XKR6: variants seen among roughly 807,000 people sequenced by gnomAD.
XKR6 encodes the protein XK related 6.
XKR6 carries 22 observed loss-of-function variants against 56.7 expected under a neutral mutation model. The observed-to-expected ratio is 0.39, with a 90% confidence interval of 0.28 to 0.55. The LOEUF (loss-of-function observed/expected upper bound fraction) is 0.55, where lower values mean the gene tolerates loss of function less well. Among genes scored for constraint, XKR6 ranks in the 20% least tolerant of loss-of-function variants. The pLI, the probability that XKR6 is intolerant of heterozygous loss-of-function variation, is 0.66. For synonymous variants in XKR6, 524 were observed against 387.8 expected (o/e 1.35, Z -4.13); for missense variants, 852 against 889.0 (o/e 0.96, Z 0.53).
chr8:11,109,950 C>T (rs1328016877), intron 1 of XKR6, among the ~76,000 whole-genome samples: 1 of 152,070 alleles, frequency 6.6e-6, no homozygotes, highest in Non-Finnish European at 1.5e-5. Flanking sequence ...CTTTTAAAAA[C>T]CTACTTAATG....
At chr8:10,915,232 C>G (rs1273986016) in intron 2 of XKR6, among the ~76,000 whole-genome samples, 3 of 152,216 alleles carry the variant, frequency 2.0e-5, no homozygotes, top group Non-Finnish European at 4.4e-5. Flanking sequence ...GTATCTGTCC[C>G]CAGCTCCTGG....
intron 1 of XKR6, among the ~76,000 whole-genome samples, chr8:10,944,268 G>C (rs879702438): frequency 1.3e-5 from 2 of 152,124 alleles, no homozygotes; most frequent in African/African-American, 4.8e-5. Context: ...AGATGACAAG[G>C]GCAGCAGCTA....
At chr8:10,980,273 C>A (rs1011000289) in intron 1 of XKR6, among the ~76,000 whole-genome samples, 5 of 152,170 alleles carry the variant, frequency 3.3e-5, no homozygotes, top group African/African-American at 1.2e-4. Flanking sequence ...GCTTGCGGGG[C>A]TGCAGGGGAA....
intron 1 of XKR6, among the ~76,000 whole-genome samples, chr8:11,152,412 G>A (rs188610166): frequency 5.3e-5 from 8 of 152,230 alleles, no homozygotes; most frequent in East Asian, 1.9e-4. Context: ...TATACTGAGT[G>A]GGATTTTTAA....
At chr8:11,078,551 G>T (rs1330693280) in intron 1 of XKR6, among the ~76,000 whole-genome samples, 2 of 152,226 alleles carry the variant, frequency 1.3e-5, no homozygotes, top group African/African-American at 4.8e-5. Flanking sequence ...CTAAGGAAGA[G>T]AGGATTTGGG....
intron 1 of XKR6, among the ~76,000 whole-genome samples, chr8:11,021,864 G>A (rs1388927944): frequency 5.9e-5 from 9 of 151,960 alleles, no homozygotes; most frequent in African/African-American, 2.2e-4. Context: ...TTGGCTTCCT[G>A]AACTTAGCCT....
intron 1 of XKR6, among the ~76,000 whole-genome samples, chr8:10,982,022 C>T (rs1467896821): frequency 1.3e-5 from 2 of 152,222 alleles, no homozygotes; most frequent in African/African-American, 4.8e-5. Context: ...GCACTAAAGG[C>T]TGTGATCACC....
chr8:11,015,733 C>G (rs1013662614), intron 1 of XKR6, among the ~76,000 whole-genome samples: 1 of 151,814 alleles, frequency 6.6e-6, no homozygotes, highest in Non-Finnish European at 1.5e-5. Flanking sequence ...GGGGCGGGCT[C>G]GGGGTAAGAC....
chr8:11,193,193 T>A (rs1435624113), intron 1 of XKR6, among the ~76,000 whole-genome samples: 1 of 152,218 alleles, frequency 6.6e-6, no homozygotes, highest in Non-Finnish European at 1.5e-5. Context: ...ATGAGCACAG[T>A]CCATGCTCTA....
chr8:11,132,084 C>T (rs556824949), intron 1 of XKR6, among the ~76,000 whole-genome samples: 1 of 152,130 alleles, frequency 6.6e-6, no homozygotes, highest in Non-Finnish European at 1.5e-5. Flanking sequence ...CTGCACTCCA[C>T]TGACCCGAGA....
At chr8:11,016,331 G>A (rs1798621608) in intron 1 of XKR6, among the ~76,000 whole-genome samples, 1 of 152,288 alleles carries the variant, frequency 6.6e-6, no homozygotes, top group Admixed American at 6.5e-5. Context: ...CGACGGCTGC[G>A]GGCGACTTGG....
At position 10,914,082 on chromosome 8, in the gene XKR6, C is replaced by G. The variant is rs187963589; in HGVS notation, c.961+10552G>C. Among the ~76,000 whole-genome samples the G allele has an allele frequency of 4.8e-3, 734 of 152,256 alleles. 3 individuals are homozygous for G. Among genetic ancestry groups the G allele is most frequent in the Non-Finnish European group, 5.1e-3 (349 of 68,018 alleles). ...CCTGGAACTCCTCTTGGCGTTCTGA[C>G]CAACCTAACACCTCAGACTGGTTCA... On this transcript the variant is annotated intron_variant, in intron 2 of 2. Transcript: ENST00000416569.
chr8:10,970,539 GC>G (rs1365764715), intron 1 of XKR6, among the ~76,000 whole-genome samples: 2 of 151,826 alleles, frequency 1.3e-5, no homozygotes, highest in Non-Finnish European at 2.9e-5. Context: ...AAATGCCCCA[GC>G]CTCATTGAGA....
chr8:11,007,164 A>C (rs1798388674), intron 1 of XKR6, among the ~76,000 whole-genome samples: 1 of 152,164 alleles, frequency 6.6e-6, no homozygotes, highest in South Asian at 2.1e-4. Flanking sequence ...GTGGCAGCCA[A>C]TGTATGACCA....
intron 2 of XKR6, 140 bp downstream of exon 2, chr8:10,924,494 G>C (rs7832003): frequency 0.17 from 165,462 of 983,622 alleles, 15,320 homozygotes; most frequent in Middle Eastern, 0.22. Flanking sequence ...GCACTGCACT[G>C]GGGGCCGGGC....
At chr8:11,048,504 C>G (rs986092576) in intron 1 of XKR6, among the ~76,000 whole-genome samples, 12 of 152,186 alleles carry the variant, frequency 7.9e-5, no homozygotes, top group Non-Finnish European at 1.8e-4. Flanking sequence ...GCAAGGACAC[C>G]TGAGCGTGTG....
At chr8:11,069,894 C>T (rs1800073759) in intron 1 of XKR6, among the ~76,000 whole-genome samples, 1 of 152,182 alleles carries the variant, frequency 6.6e-6, no homozygotes, top group Non-Finnish European at 1.5e-5. Context: ...TCGGAGTCAA[C>T]CTTGGGTATT....
At chr8:11,040,622 G>C (rs955790932) in intron 1 of XKR6, among the ~76,000 whole-genome samples, 4 of 152,126 alleles carry the variant, frequency 2.6e-5, no homozygotes, top group African/African-American at 9.7e-5. Flanking sequence ...CCAAGATGAA[G>C]GCAGATTTGG....
intron 1 of XKR6, chr8:11,124,003 G>A (rs1273655419): frequency 4.4e-6 from 2 of 456,084 alleles, no homozygotes; most frequent in Admixed American, 4.7e-5. Context: ...CTCTAAAACA[G>A]TCCTGTCTCT....
Sources: gnomAD v4.1 joint callset for allele counts (sites outside exome capture counted in the v4.1 genomes callset) on GRCh38, gnomAD v4.1.1 for gene constraint, MANE v1.5 for transcripts, NCBI Gene and HGNC (gene_info 2026-07-23, HGNC 2026-07-21) for gene names.